The following PSD3 variants were observed in gnomAD, a reference collection of about 807,000 sequenced individuals.
The protein encoded by PSD3 is pleckstrin and Sec7 domain containing 3, also known as PH and SEC7 domain-containing protein 3.
PSD3 carries 49 observed loss-of-function variants against 105.5 expected under a neutral mutation model. The observed-to-expected ratio is 0.46, with a 90% confidence interval of 0.37 to 0.59. The LOEUF (loss-of-function observed/expected upper bound fraction) is 0.59. PSD3 is among the 20% of genes least tolerant of loss of function. The probability of loss-of-function intolerance (pLI) is 0.00; values close to 1 mark genes in which losing one functional copy is unlikely to be tolerated. For missense variants in PSD3, 1,561 were observed against 1,263.8 expected, an observed-to-expected ratio of 1.24 and a Z score of -3.57; for synonymous variants, 557 against 457.8, an observed-to-expected ratio of 1.22 and a Z score of -2.77.
At chr8:18,644,561 C>G (rs1249690416) in intron 10 of PSD3, among the ~76,000 whole-genome samples, 2 of 152,198 alleles carry the variant, frequency 1.3e-5, no homozygotes, top group Non-Finnish European at 2.9e-5. Context: ...TTTCTACTAA[C>G]ATTCTAATTA....
At position 18,804,835 on chromosome 8, in the gene PSD3, C is replaced by T. The variant is rs1280737254; in HGVS notation, c.1698G>A (p.Leu566=). 1.9e-6 allele frequency: 3 copies of T among 1,613,648 alleles called. No individual in the cohort carries two copies. Among genetic ancestry groups the T allele is most frequent in the Non-Finnish European group, 2.5e-6 (3 of 1,179,734 alleles). The change falls in exon 5 of 16, where the codon TTG becomes TTA. Residue 566 remains leucine, a synonymous_variant. Coordinates refer to ENST00000327040, the MANE Select transcript of PSD3 (RefSeq NM_015310.4). ...TGAGATTTTCTGGGGTCTCCTTTTC[C>T]AAAATTTCAGTGCTCCCCATTTCAG... ...AHSEMGSTEI[L]EKETPENLSN...
intron 9 of PSD3, among the ~76,000 whole-genome samples, chr8:18,665,067 C>T (rs556778024): frequency 8.5e-5 from 13 of 152,302 alleles, no homozygotes; most frequent in Admixed American, 1.3e-4. Context: ...TTCATGCCTG[C>T]TAACACAACA....
chr8:18,570,748 A>T (rs1306220871), intron 14 of PSD3, among the ~76,000 whole-genome samples: 3 of 151,998 alleles, frequency 2.0e-5, no homozygotes, highest in Non-Finnish European at 4.4e-5. Context: ...GCCATCAGAG[A>T]AATGCAAGTA....
At chr8:18,857,905 G>A (rs569280192) in intron 4 of PSD3, among the ~76,000 whole-genome samples, 4 of 152,130 alleles carry the variant, frequency 2.6e-5, no homozygotes, top group African/African-American at 9.7e-5. Context: ...CAAATAGAGC[G>A]TCAGGCACAG....
At chr8:18,832,122 T>A (rs533074853) in intron 4 of PSD3, among the ~76,000 whole-genome samples, 173 of 152,298 alleles carry the variant, frequency 1.1e-3, no homozygotes, top group Non-Finnish European at 2.2e-3. Context: ...CTCTAGCTCT[T>A]GAAATATGGT....
At chr8:18,616,889 C>G (rs2130687320) in intron 11 of PSD3, among the ~76,000 whole-genome samples, 1 of 152,136 alleles carries the variant, frequency 6.6e-6, no homozygotes, top group African/African-American at 2.4e-5. Context: ...TCCCAAAGTG[C>G]TGGGATTACA....
At chr8:18,902,817 G>A (rs1819593474) in intron 2 of PSD3, among the ~76,000 whole-genome samples, 1 of 152,206 alleles carries the variant, frequency 6.6e-6, no homozygotes, top group Admixed American at 6.5e-5. Flanking sequence ...GGCGTATGTT[G>A]TAGATGTTCG....
intron 4 of PSD3, among the ~76,000 whole-genome samples, chr8:18,848,586 C>G (rs1206667406): frequency 2.0e-5 from 3 of 152,214 alleles, no homozygotes; most frequent in Admixed American, 6.5e-5. Flanking sequence ...GACTGCGGCT[C>G]AAATCTAAGT....
Position 18,797,618 on chromosome 8 carries a change from A to C in PSD3, c.2082+1677T>G, listed in dbSNP as rs1356808759. Among the ~76,000 whole-genome samples the C allele has an allele frequency of 5.3e-5, 8 of 152,272 alleles. No homozygotes were observed. In the East Asian group the frequency reaches 1.2e-3, roughly 22 times the overall value. On this transcript the variant is annotated intron_variant, in intron 8 of 15. Transcript: ENST00000327040. ...ACATCTTTATTGGTTGCTACATTTC[A>C]AGTTCTTATGATTCAGATACATGCT...
chr8:18,786,762 C>T (rs978572619), intron 8 of PSD3: 2 of 152,204 alleles, frequency 1.3e-5, no homozygotes, highest in Non-Finnish European at 2.9e-5. Context: ...AAATGTCCAA[C>T]AACTTCTCGA....
intron 1 of PSD3, among the ~76,000 whole-genome samples, chr8:18,964,560 G>C (rs943302874): frequency 6.6e-5 from 10 of 151,666 alleles, no homozygotes; most frequent in African/African-American, 2.2e-4. Flanking sequence ...CAATTCACAA[G>C]AGAGGCAATG....
At chr8:18,752,554 A>ATAATATAT (rs60557005) in intron 9 of PSD3, among the ~76,000 whole-genome samples, 1 of 19,678 alleles carries the variant, frequency 5.1e-5, no homozygotes, top group African/African-American at 1.2e-4. Flanking sequence ...TATTATATAT[A>ATAATATAT]ATTATATATA....
intron 8 of PSD3, among the ~76,000 whole-genome samples, chr8:18,775,638 G>A (rs1414815675): frequency 2.0e-5 from 3 of 152,104 alleles, no homozygotes; most frequent in African/African-American, 7.2e-5. Context: ...CTTCTTTTGA[G>A]AAATACCTAT....
intron 14 of PSD3, among the ~76,000 whole-genome samples, chr8:18,566,013 G>C (rs572605855): frequency 2.0e-5 from 3 of 152,230 alleles, no homozygotes; most frequent in East Asian, 3.9e-4. Flanking sequence ...TAAAGGATGA[G>C]AGCTAGTCTT....
intron 9 of PSD3, among the ~76,000 whole-genome samples, chr8:18,741,966 A>T (rs75020396): frequency 0.034 from 5,178 of 152,286 alleles, 205 homozygotes; most frequent in East Asian, 0.15. Flanking sequence ...TGTATACTTA[A>T]ACGAAAGTGT....
intron 14 of PSD3, 139 bp downstream of exon 14, chr8:18,572,388 CT>C (rs1802197706): frequency 9.6e-7 from 1 of 1,037,222 alleles, no homozygotes; most frequent in African/African-American, 1.6e-5. Flanking sequence ...GCATATCTGC[CT>C]CATTTATATG....
intron 8 of PSD3, among the ~76,000 whole-genome samples, chr8:18,778,427 T>C (rs1341858685): frequency 1.3e-5 from 2 of 152,140 alleles, no homozygotes; most frequent in Non-Finnish European, 2.9e-5. Flanking sequence ...CAATTTGAAT[T>C]CCCCTTTTCA....
chr8:18,827,978 T>A (rs1359170928), intron 4 of PSD3, among the ~76,000 whole-genome samples: 1 of 147,548 alleles, frequency 6.8e-6, no homozygotes, highest in Non-Finnish European at 1.5e-5. Context: ...CTTAAATCAT[T>A]TGGGTCTCAT....
intron 9 of PSD3, among the ~76,000 whole-genome samples, chr8:18,670,919 ACC>A (rs897449298): frequency 6.6e-6 from 1 of 152,256 alleles, no homozygotes; most frequent in African/African-American, 2.4e-5. Flanking sequence ...TTGAATGTTG[ACC>A]ACACAGTGTA....
Sources: allele counts gnomAD v4.1 joint callset (sites outside exome capture counted in the v4.1 genomes callset), GRCh38; gene constraint gnomAD v4.1.1; transcripts MANE v1.5; gene names NCBI Gene and HGNC (gene_info 2026-07-23, HGNC 2026-07-21).